TRPM3: variants seen among roughly 807,000 people sequenced by gnomAD.
TRPM3 encodes the protein long transient receptor potential channel 3.
In TRPM3, 77 loss-of-function variants were observed where a neutral mutation model predicts 181.2. The observed-to-expected ratio is 0.42, with a 90% CI of 0.35 to 0.51. The LOEUF is 0.51. Ranked by LOEUF, TRPM3 falls within the 20% of genes least tolerant of loss-of-function variation. TRPM3 has a pLI of 0.01. For synonymous variants in TRPM3, 745 were observed against 796.4 expected, an observed-to-expected ratio of 0.94 and a Z score of 1.09; for missense variants, 1,759 against 2,196.7, an observed-to-expected ratio of 0.80 and a Z score of 3.98.
At chr9:70,557,974 C>T (rs73649170) in intron 22 of TRPM3, among the ~76,000 whole-genome samples, 1,636 of 152,230 alleles carry the variant, frequency 0.011, 31 homozygotes, top group African/African-American at 0.037. Flanking sequence ...CCATGAAGTA[C>T]GGGTGAAATG....
intron 1 of TRPM3, among the ~76,000 whole-genome samples, chr9:71,128,117 TGAG>T (rs1394679552): frequency 2.6e-5 from 4 of 152,180 alleles, no homozygotes; most frequent in African/African-American, 9.7e-5. Flanking sequence ...AGAGAACACA[TGAG>T]AAGAGACCCA....
chr9:71,043,729 T>C (rs1276020628), intron 1 of TRPM3, among the ~76,000 whole-genome samples: 3 of 152,188 alleles, frequency 2.0e-5, no homozygotes, highest in Admixed American at 2.0e-4. Flanking sequence ...TCACTGCAAA[T>C]CTGTGAAATC....
chr9:70,629,215 CGG>C (rs550040624), intron 12 of TRPM3, among the ~76,000 whole-genome samples: 1,728 of 10,240 alleles, frequency 0.17, 301 homozygotes, highest in African/African-American at 0.33. Context: ...TGACCAGTGC[CGG>C]GGGGGGGGGG....
intron 1 of TRPM3, among the ~76,000 whole-genome samples, chr9:70,876,256 A>T (rs1564664534): frequency 1.3e-5 from 2 of 150,384 alleles, no homozygotes; most frequent in African/African-American, 4.9e-5. Context: ...AGAAGACACT[A>T]ATATATATAC....
intron 22 of TRPM3, among the ~76,000 whole-genome samples, chr9:70,561,287 G>A (rs886354159): frequency 6.6e-6 from 1 of 152,212 alleles, no homozygotes; most frequent in African/African-American, 2.4e-5. Context: ...TAGCACAGCT[G>A]CTGTGGCTTT....
At chr9:70,616,795 A>G (rs183942482) in intron 17 of TRPM3, among the ~76,000 whole-genome samples, 5 of 152,170 alleles carry the variant, frequency 3.3e-5, no homozygotes, top group African/African-American at 9.7e-5. Flanking sequence ...TCTCATGTAT[A>G]AACATCACGC....
intron 16 of TRPM3, among the ~76,000 whole-genome samples, chr9:70,619,587 A>G (rs1294590842): frequency 6.8e-6 from 1 of 146,310 alleles, no homozygotes; most frequent in Non-Finnish European, 1.5e-5. Context: ...CTAATTTTTA[A>G]TTTTTTTTTT....
At chr9:70,859,642 A>C (rs762729046) in intron 3 of TRPM3, among the ~76,000 whole-genome samples, 3 of 152,204 alleles carry the variant, frequency 2.0e-5, no homozygotes, top group Non-Finnish European at 4.4e-5. Context: ...ACTAAGAAGG[A>C]TACACATTTT....
At chr9:70,804,977 G>A (rs193034478) in intron 6 of TRPM3, among the ~76,000 whole-genome samples, 5 of 152,298 alleles carry the variant, frequency 3.3e-5, no homozygotes, top group Non-Finnish European at 7.4e-5. Context: ...GCTGGCCAGT[G>A]ATGCCAGCTG....
intron 1 of TRPM3, among the ~76,000 whole-genome samples, chr9:71,339,508 A>G (rs1017669906): frequency 3.0e-5 from 1 of 33,168 alleles, no homozygotes; most frequent in African/African-American, 9.1e-5. Context: ...AAGTTCTGAA[A>G]TAGACTCAAT....
intron 22 of TRPM3, among the ~76,000 whole-genome samples, chr9:70,573,569 C>T (rs960306822): frequency 1.3e-5 from 2 of 151,786 alleles, no homozygotes; most frequent in Admixed American, 1.3e-4. Flanking sequence ...CAATGATGCC[C>T]CTAATCAGGG....
intron 1 of TRPM3, among the ~76,000 whole-genome samples, chr9:70,931,506 G>A (rs2096774858): frequency 6.6e-6 from 1 of 151,838 alleles, no homozygotes; most frequent in Admixed American, 6.6e-5. Context: ...ATACCCACCA[G>A]CTTCCTAATA....
At chr9:71,101,617 T>C (rs1048684326) in intron 1 of TRPM3, among the ~76,000 whole-genome samples, 1 of 152,172 alleles carries the variant, frequency 6.6e-6, no homozygotes, top group African/African-American at 2.4e-5. Flanking sequence ...ACAAAAAGTC[T>C]TTCATTGGAA....
chr9:70,600,319 A>G (rs1488111361), intron 20 of TRPM3, among the ~76,000 whole-genome samples: 1 of 152,190 alleles, frequency 6.6e-6, no homozygotes, highest in African/African-American at 2.4e-5. Flanking sequence ...GAGAGGAGAG[A>G]AAAGACTGGA....
chr9:70,634,933 G>A (rs988578095), intron 12 of TRPM3, among the ~76,000 whole-genome samples: 3 of 152,048 alleles, frequency 2.0e-5, no homozygotes, highest in Admixed American at 2.0e-4. Context: ...AATCCACTTG[G>A]CACGGGGAAA....
At chr9:71,206,435 T>C (rs2131767991) in intron 1 of TRPM3, among the ~76,000 whole-genome samples, 1 of 152,136 alleles carries the variant, frequency 6.6e-6, no homozygotes, top group South Asian at 2.1e-4. Context: ...CACTTTTTGA[T>C]GGGTTTTTTT....
intron 1 of TRPM3, among the ~76,000 whole-genome samples, chr9:70,957,233 G>A (rs571082493): frequency 6.6e-6 from 1 of 151,984 alleles, no homozygotes; most frequent in East Asian, 1.9e-4. Flanking sequence ...CAAAGTGTTG[G>A]GATTACAGGC....
chr9:70,619,406 CTTTTT>C lies in TRPM3; in HGVS notation c.2130-316_2130-312del, dbSNP rs1170887633. Among the ~76,000 whole-genome samples, 796 of 81,432 alleles carry C rather than the reference CTTTTT, an allele frequency of 9.8e-3. 5 individuals are homozygous for C. The highest frequency in any genetic ancestry group is 0.035 in the African/African-American group (719 of 20,780). 53.4% of individuals were successfully genotyped at this position (81,432 alleles called of 152,430 possible). A position where few individuals can be genotyped will look rare whatever the true frequency, so the allele number is the denominator to read the frequency against. On this transcript the variant is annotated intron_variant, in intron 16 of 25. Transcript: ENST00000677713. ...GAGTACAGTATGTCATCGTCGTCTT[CTTTTT>C]TTTTTTTTTTTTTTTTTTTTGAGAC...
chr9:70,856,501 TAG>T (rs1455946876), intron 3 of TRPM3, among the ~76,000 whole-genome samples: 3 of 152,196 alleles, frequency 2.0e-5, no homozygotes, highest in Non-Finnish European at 4.4e-5. Flanking sequence ...ATTGCAAAGA[TAG>T]ACAGTTTTTT....
Sources: allele counts gnomAD v4.1 joint callset (sites outside exome capture counted in the v4.1 genomes callset), GRCh38; gene constraint gnomAD v4.1.1; transcripts MANE v1.5; gene names NCBI Gene and HGNC (gene_info 2026-07-23, HGNC 2026-07-21).